Variants in KNDC1 observed in about 807,000 individuals in gnomAD.
KNDC1 encodes the protein kinase non-catalytic C-lobe domain-containing protein 1.
Under a neutral mutation model 172.8 loss-of-function variants are expected in KNDC1, and 106 were observed. The ratio of observed to expected loss-of-function variants is 0.61; its 90% confidence interval spans 0.52 to 0.72. The LOEUF is 0.72. KNDC1 is among the 30% of genes least tolerant of loss of function. KNDC1 has a pLI of 0.00. For synonymous variants in KNDC1, 1,083 were observed against 1,062.2 expected (o/e 1.02, Z -0.38); for missense variants, 2,325 against 2,394.5 (o/e 0.97, Z 0.61).
rs777884327 is a variant in KNDC1 at position 133,220,017 on chromosome 10, C to G, written c.4923C>G (p.Thr1641=). 21 of 1,554,602 alleles carry G rather than the reference C, an allele frequency of 1.4e-5. No individual in the cohort carries two copies. The highest frequency in any genetic ancestry group is 1.8e-5 in the Non-Finnish European group (21 of 1,149,018). The change falls in exon 29 of 30, where the codon ACC becomes ACG. Residue 1641 remains threonine, a synonymous_variant. Transcript: ENST00000304613. ...MEGRRFRAQP[T]LPSAHLLAMH... ...GGCGGCGCTTCCGGGCGCAGCCCAC[C>G]CTGCCCTCGGCCCACCTCCTGGCCA...
intron 3 of KNDC1, among the ~76,000 whole-genome samples, chr10:133,172,369 C>G (rs1037384310): frequency 8.1e-4 from 123 of 152,310 alleles, no homozygotes; most frequent in African/African-American, 2.8e-3. Context: ...ATATTCACAT[C>G]TTTATTTTCT....
Position 133,207,229 on chromosome 10 carries a change from C to T in KNDC1, c.3672C>T (p.Ser1224=). The change falls in exon 20 of 30, where the codon AGC becomes AGT. Residue 1224 remains serine (S), a synonymous_variant. Transcript: ENST00000304613. The part of the protein sequence containing the change: ...AAAPCDTLDF[S]PLDESSSLIF... ...CACCCTGCGACACGCTGGACTTCAG[C>T]CCCCTGGACGAGTCCTCCTCGCTCA... The T allele has an allele frequency of 5.6e-6, 9 of 1,612,710 alleles. No individual in the cohort carries two copies. Among genetic ancestry groups the T allele is most frequent in the Non-Finnish European group, 7.6e-6 (9 of 1,179,948 alleles).
intron 3 of KNDC1, among the ~76,000 whole-genome samples, chr10:133,174,793 G>A (rs988790928): frequency 4.4e-4 from 66 of 151,326 alleles, no homozygotes; most frequent in African/African-American, 1.4e-3. Context: ...GTGGATGGAC[G>A]AATGGGCGGA....
rs536532627 is a variant in KNDC1 at position 133,169,495 on chromosome 10, C to T, written c.360+1183C>T. On this transcript the variant is annotated intron_variant, in intron 3 of 29. Coordinates refer to ENST00000304613, the MANE Select transcript of KNDC1 (RefSeq NM_152643.8). ...AAAGAAGAGTTTTGGGATGGCTTCC[C>T]GCACCCTGCTTACTTTCACTCTGAA... is the stretch of plus-strand genomic sequence containing the variant. 5.3e-5 allele frequency among the ~76,000 whole-genome samples: 8 copies of T among 152,314 alleles called. No individual in the cohort carries two copies. In the East Asian group the frequency reaches 5.8e-4, roughly 11 times the overall value.
At chr10:133,187,116 G>C (rs185939409) in intron 6 of KNDC1, among the ~76,000 whole-genome samples, 10 of 152,392 alleles carry the variant, frequency 6.6e-5, no homozygotes, top group Admixed American at 5.9e-4. Flanking sequence ...CCAAAGCTGT[G>C]GGTTGAGCTT....
Position 133,186,386 on chromosome 10 carries a change from G to A in KNDC1, c.1038G>A (p.Leu346=), listed in dbSNP as rs1173351095. Residue 346 remains leucine (L), a synonymous_variant, in exon 6 of 30, where the codon CTG becomes CTA. Coordinates refer to ENST00000304613, the MANE Select transcript of KNDC1 (RefSeq NM_152643.8). ...CTCCGGACCCCAGGAAGGCCTTTCT[G>A]GACAGGAAAAATGGCCTTTCTAGCT... ...LFSPDPRKAF[L]DRKNGLSSFQ... is the part of the protein sequence containing the mutation. 1 of 1,612,648 alleles carries A rather than the reference G, an allele frequency of 6.2e-7. No homozygotes were observed. Among genetic ancestry groups the A allele is most frequent in the Non-Finnish European group, 8.5e-7 (1 of 1,179,968 alleles).
chr10:133,167,119 G>A, intron 1 of KNDC1: 2 of 525,610 alleles, frequency 3.8e-6, no homozygotes, highest in South Asian at 2.2e-5. Context: ...CGGGAGGAAG[G>A]CCCCGTGCCC....
chr10:133,200,280 GCATA>G, intron 15 of KNDC1, 91 bp from the exon 16 acceptor site: 18 of 917,888 alleles, frequency 2.0e-5, no homozygotes, highest in Non-Finnish European at 2.7e-5. Context: ...CGAGAGCTCC[GCATA>G]GACGTGTGGG....
chr10:133,220,123 G>T lies in KNDC1; in HGVS notation c.5018+11G>T, dbSNP rs1318565801. 6.6e-7 allele frequency: 1 copy of T among 1,517,754 alleles called. No individual in the cohort carries two copies. Among genetic ancestry groups the T allele is most frequent in the Non-Finnish European group, 8.9e-7 (1 of 1,121,796 alleles). The allele number at this position is 1,517,754 out of a possible 1,614,324, so 94.0% of individuals were successfully genotyped here. ...GTGGAGCAAGCTCAGGTGAGGAGGG[G>T]CTCAGGCGGCCGCGCGCCCAGGAGA... is the stretch of plus-strand genomic sequence containing the variant. On this transcript the variant is annotated intron_variant, in intron 29 of 29. Transcript: ENST00000304613.
chr10:133,167,588 G>C lies in KNDC1; in HGVS notation c.301+9G>C. On this transcript the variant is annotated intron_variant, in intron 2 of 29. Coordinates refer to ENST00000304613, the MANE Select transcript of KNDC1 (RefSeq NM_152643.8). ...CATGGAGCAGCTCAGCGGTGAGGCG[G>C]CGGTGGCGGTGGCGGCGGCGGCGGG... The C allele has an allele frequency of 6.4e-7, 1 of 1,566,370 alleles. No homozygotes were observed. Among genetic ancestry groups the C allele is most frequent in the Non-Finnish European group, 8.6e-7 (1 of 1,156,640 alleles).
At chr10:133,195,261 G>A (rs560249232) in intron 9 of KNDC1, among the ~76,000 whole-genome samples, 25 of 152,278 alleles carry the variant, frequency 1.6e-4, no homozygotes, top group African/African-American at 5.1e-4. Flanking sequence ...GTAGCAGCAC[G>A]GCACCAGTCG....
rs371445862 is a variant in KNDC1, at chr10:133,198,978, G to T, written c.2470G>T (p.Gly824Cys). 4 of 1,546,966 alleles carry T rather than the reference G, an allele frequency of 2.6e-6. No homozygotes were observed. The highest frequency in any genetic ancestry group is 3.5e-6 in the Non-Finnish European group (4 of 1,150,484). Residue 824 changes from glycine to cysteine, a missense_variant, in exon 14 of 30, where the codon GGC becomes TGC. Physicochemically the swap from Gly to Cys is radical, Grantham distance 159. Coordinates refer to ENST00000304613, the MANE Select transcript of KNDC1 (RefSeq NM_152643.8). ...CCTGGGGCCCACCACGGCCCACCAC[G>T]GCCCACGCCACCCGCCCAAGCCCCC... Reference protein sequence around the residue: ...DALGPTTAHHGPRHPPKPPRS... With the variant: ...DALGPTTAHHCPRHPPKPPRS...
intron 5 of KNDC1, 45 bp downstream of exon 5, chr10:133,184,034 C>G: frequency 8.8e-7 from 1 of 1,130,056 alleles, no homozygotes; most frequent in Non-Finnish European, 1.3e-6. Flanking sequence ...GCACATATAC[C>G]TGTGTGCCAT....
chr10:133,199,348 T>TC (rs1564891307), intron 14 of KNDC1, 82 bp downstream of exon 14: 2 of 1,559,112 alleles, frequency 1.3e-6, no homozygotes, highest in Non-Finnish European at 1.7e-6. Context: ...CCCACGCCCT[T>TC]CCCCCAGCCC....
chr10:133,182,957 GGTGTGGGC>G (rs1421840512), intron 3 of KNDC1, among the ~76,000 whole-genome samples: 6 of 146,044 alleles, frequency 4.1e-5, no homozygotes, highest in African/African-American at 1.5e-4. Context: ...GGGCACAGGC[GGTGTGGGC>G]ACAGGCGGTG....
chr10:133,184,345 GCA>G (rs139474351), intron 5 of KNDC1, among the ~76,000 whole-genome samples: 4 of 146,718 alleles, frequency 2.7e-5, no homozygotes, highest in Admixed American at 6.7e-5. Context: ...CACATGTGCT[GCA>G]CACACGCTGC....
At chr10:133,217,740 T>G (rs75559335) in intron 26 of KNDC1, among the ~76,000 whole-genome samples, 1 of 146,174 alleles carries the variant, frequency 6.8e-6, no homozygotes, top group Non-Finnish European at 1.5e-5. Context: ...GGGTGGATCA[T>G]GAGGTCAGGA....
rs764056806 is a variant in KNDC1 at position 133,225,003 on chromosome 10, A to C, written c.*113A>C. ...CGTTATCAAGGCCCCTCCGCCCCCG[A>C]ACCCTGGGGAGCTGGACCAGGAGGT... On this transcript the variant is annotated 3_prime_UTR_variant, in exon 30 of 30. Transcript: ENST00000304613. 1.9e-5 allele frequency: 16 copies of C among 826,152 alleles called. No individual in the cohort carries two copies. Among genetic ancestry groups the C allele is most frequent in the Non-Finnish European group, 3.0e-5 (15 of 508,204 alleles). The allele number at this position is 826,152 out of a possible 1,614,324, so 51.2% of individuals were successfully genotyped here. A position where few individuals can be genotyped will look rare whatever the true frequency, so the allele number is the denominator to read the frequency against.
rs143293481 is a variant in KNDC1, at chr10:133,219,036, G to A, written c.4806G>A (p.Trp1602Ter). 1 of 1,614,032 alleles carries A rather than the reference G, an allele frequency of 6.2e-7. No homozygotes were observed. Among genetic ancestry groups the A allele is most frequent in the Non-Finnish European group, 8.5e-7 (1 of 1,179,974 alleles). Residue 1602 changes from tryptophan (W) to a stop codon, truncating the protein, a stop_gained, in exon 28 of 30, where the codon TGG becomes TGA. Transcript: ENST00000304613. LOFTEE classifies it high-confidence loss of function. ...CACCTGTGCTTTCATTTCAGGCCTG[G>A]AGAATTCTGCCTGCAAAGATAGCAG... The part of the protein sequence containing the change: ...EHLAVRQSPA[W>*]RILPAKIAEV...
Sources: gnomAD v4.1 joint callset for allele counts (sites outside exome capture counted in the v4.1 genomes callset) on GRCh38, gnomAD v4.1.1 for gene constraint, MANE v1.5 for transcripts, NCBI Gene and HGNC (gene_info 2026-07-23, HGNC 2026-07-21) for gene names.